KIF26B: variants seen among roughly 807,000 people sequenced by gnomAD.
KIF26B encodes the protein kinesin-like protein KIF26B.
Under a neutral mutation model 151.2 loss-of-function variants are expected in KIF26B, and 63 were observed. The ratio of observed to expected loss-of-function variants is 0.42; its 90% CI spans 0.34 to 0.51. The LOEUF (loss-of-function observed/expected upper bound fraction) is 0.51, where lower values mean the gene tolerates loss of function less well. Ranked by LOEUF, KIF26B falls within the 20% of genes least tolerant of loss-of-function variation. KIF26B has a pLI of 0.07. For missense variants in KIF26B, 2,813 were observed against 2,913.6 expected, an observed-to-expected ratio of 0.97 and a Z score of 0.79; for synonymous variants, 1,357 against 1,262.1, an observed-to-expected ratio of 1.08 and a Z score of -1.59.
chr1:245,568,387 T>C (rs1715773), intron 5 of KIF26B, among the ~76,000 whole-genome samples: 80,700 of 151,414 alleles, frequency 0.53, 23,995 homozygotes, highest in African/African-American at 0.82. Flanking sequence ...TGGTGGTGCA[T>C]GCCTGTAGTC....
intron 2 of KIF26B, among the ~76,000 whole-genome samples, chr1:245,349,559 C>CAAAAAAAAAAAAAAAAAA (rs58254627): frequency 2.6e-5 from 2 of 75,834 alleles, no homozygotes; most frequent in Non-Finnish European, 6.8e-5. Context: ...AAATAAACTT[C>CAAAAAAAAAAAAAAAAAA]AAAAAAAAAA....
intron 2 of KIF26B, among the ~76,000 whole-genome samples, chr1:245,259,920 G>A (rs1670601150): frequency 6.1e-5 from 8 of 131,052 alleles, no homozygotes; most frequent in Non-Finnish European, 1.2e-4. Flanking sequence ...GAGTGACAGA[G>A]CGAGGTCCTG....
chr1:245,613,291 A>G (rs754025920), intron 9 of KIF26B, among the ~76,000 whole-genome samples: 15 of 152,294 alleles, frequency 9.8e-5, no homozygotes, highest in Non-Finnish European at 1.3e-4. Context: ...GCTGTTGTAG[A>G]TGAAGCCTAG....
Position 245,688,656 on chromosome 1 carries a change from C to T in KIF26B, c.5673C>T (p.His1891=), listed in dbSNP as rs1034993024. 6.2e-7 allele frequency: 1 copy of T among 1,603,568 alleles called. No individual in the cohort carries two copies. Among genetic ancestry groups the T allele is most frequent in the African/African-American group, 1.3e-5 (1 of 74,784 alleles). ...PAMGKTALFY[H]SGGSSGYESV... ...TGGGGAAGACGGCCCTGTTCTACCA[C>T]AGCGGCGGCAGCAGCGGCTACGAGA... The change falls in exon 12 of 15, where the codon CAC becomes CAT. Residue 1891 remains histidine (H), a synonymous_variant. Coordinates refer to ENST00000407071, the MANE Select transcript of KIF26B (RefSeq NM_018012.4).
At chr1:245,365,796 C>T (rs755044724) in intron 2 of KIF26B, among the ~76,000 whole-genome samples, 5 of 152,074 alleles carry the variant, frequency 3.3e-5, no homozygotes, top group Admixed American at 6.6e-5. Context: ...GAGGCCATGG[C>T]GCTGTGGACA....
intron 12 of KIF26B, among the ~76,000 whole-genome samples, chr1:245,689,126 T>C (rs1407371953): frequency 2.0e-5 from 3 of 152,172 alleles, no homozygotes; most frequent in Non-Finnish European, 4.4e-5. Flanking sequence ...CCCTTGGCGC[T>C]CAGCAGGGTG....
chr1:245,698,199 A>G lies in KIF26B; in HGVS notation c.5918A>G (p.Asp1973Gly), dbSNP rs745861348. The change falls in exon 13 of 15, where the codon GAT becomes GGT. Residue 1973 changes from aspartate to glycine, a missense_variant. Around this residue, in one of 3 missense-constraint regions of KIF26B, gnomAD observed 2,060 missense variants for 2,088.6 expected, o/e 0.99. Coordinates refer to ENST00000407071, the MANE Select transcript of KIF26B (RefSeq NM_018012.4). This position sits in a 1 kb window ranked among gnomAD's most constrained non-coding sequence, Gnocchi z 4.0. The part of the protein sequence containing the change: ...PPNSTGVRWV[D>G]GPLRSSPRGL... ...AACAGCACAGGCGTCCGCTGGGTGG[A>G]TGGCCCCTTGCGGAGCAGCCCGAGG... The G allele has an allele frequency of 1.2e-6, 2 of 1,613,894 alleles. No homozygotes were observed. The highest frequency in any genetic ancestry group is 3.3e-5 in the Admixed American group (2 of 60,010).
chr1:245,411,047 TTTTTAGTACA>T (rs1327662384), intron 3 of KIF26B, among the ~76,000 whole-genome samples: 6 of 152,182 alleles, frequency 3.9e-5, no homozygotes, highest in African/African-American at 1.4e-4. Context: ...ATTGCCCTAG[TTTTTAGTACA>T]TTTTATTCAA....
intron 5 of KIF26B, among the ~76,000 whole-genome samples, chr1:245,599,777 G>C (rs929909169): frequency 6.6e-6 from 1 of 152,154 alleles, no homozygotes; most frequent in Non-Finnish European, 1.5e-5. Flanking sequence ...AACTGGGGCA[G>C]ATCTGTAGGA....
chr1:245,261,769 C>T (rs371750627), intron 2 of KIF26B, among the ~76,000 whole-genome samples: 113 of 151,250 alleles, frequency 7.5e-4, no homozygotes, highest in African/African-American at 2.6e-3. Context: ...TTTTTTGTAG[C>T]GACAGGGTTT....
rs1181566898 is a variant in KIF26B, at chr1:245,244,746, A to G, written c.465+88063A>G. On this transcript the variant is annotated intron_variant, in intron 2 of 14. Transcript: ENST00000407071. The surrounding 1 kb of genome is among the most constrained non-coding windows in gnomAD (Gnocchi z 4.2). Reference sequence around the variant, plus strand: ...AACGTTTGTGAGAAGGAACACACAGACACGCACACTCACACACACACACAC... The same window carrying G: ...AACGTTTGTGAGAAGGAACACACAGGCACGCACACTCACACACACACACAC... 8.7e-6 allele frequency among the ~76,000 whole-genome samples: 1 copy of G among 114,330 alleles called. No homozygotes were observed. Among genetic ancestry groups the G allele is most frequent in the Non-Finnish European group, 1.7e-5 (1 of 57,556 alleles). 75.0% of individuals were successfully genotyped at this position (114,330 alleles called of 152,430 possible).
At chr1:245,255,533 C>T (rs1344190692) in intron 2 of KIF26B, among the ~76,000 whole-genome samples, 1 of 152,218 alleles carries the variant, frequency 6.6e-6, no homozygotes, top group Non-Finnish European at 1.5e-5. Flanking sequence ...CTTTGTACAT[C>T]ATGTGATTTG....
intron 4 of KIF26B, among the ~76,000 whole-genome samples, chr1:245,515,322 C>A (rs946051441): frequency 6.6e-6 from 1 of 152,194 alleles, no homozygotes; most frequent in South Asian, 2.1e-4. Flanking sequence ...GCACCTACAT[C>A]TCTCCACGCT....
chr1:245,243,919 A>G (rs1670262706), intron 2 of KIF26B, among the ~76,000 whole-genome samples: 1 of 152,028 alleles, frequency 6.6e-6, no homozygotes, highest in Admixed American at 6.6e-5. Context: ...TACCCTTTCT[A>G]TAGCCTTCTA....
Position 245,360,754 on chromosome 1 carries a change from G to A in KIF26B, c.466-6080G>A, listed in dbSNP as rs1672800341. On this transcript the variant is annotated intron_variant, in intron 2 of 14. Coordinates refer to ENST00000407071, the MANE Select transcript of KIF26B (RefSeq NM_018012.4). ...TGGCCAGGCAGAGTGGCTCACGCCT[G>A]TAATCCCAGAACTTTGGGAGGCTGA... Among the ~76,000 whole-genome samples, 4 of 152,222 alleles carry A rather than the reference G, an allele frequency of 2.6e-5. No homozygotes were observed. The South Asian group carries it at 6.2e-4, about 24-fold the overall frequency.
chr1:245,665,364 T>G (rs1199884249), intron 10 of KIF26B, among the ~76,000 whole-genome samples: 1 of 152,220 alleles, frequency 6.6e-6, no homozygotes, highest in Admixed American at 6.5e-5. Context: ...TTGGATTGAC[T>G]CATGAAGTAT....
chr1:245,441,371 A>G (rs686475), intron 4 of KIF26B, among the ~76,000 whole-genome samples: 42,656 of 152,016 alleles, frequency 0.28, 6,146 homozygotes, highest in East Asian at 0.34. Context: ...GGAAGGGTAC[A>G]CTTTAGAAAA....
At chr1:245,303,350 C>A (rs574982644) in intron 2 of KIF26B, among the ~76,000 whole-genome samples, 1 of 151,338 alleles carries the variant, frequency 6.6e-6, no homozygotes, top group African/African-American at 2.4e-5. Context: ...AGGTGCCCGC[C>A]ACCACGCCCG....
chr1:245,628,224 C>G (rs2043744440), intron 9 of KIF26B, among the ~76,000 whole-genome samples: 1 of 151,784 alleles, frequency 6.6e-6, no homozygotes, highest in African/African-American at 2.4e-5. Flanking sequence ...TGGCTCATGC[C>G]CATAACCCCA....
Sources: allele counts gnomAD v4.1 joint callset (sites outside exome capture counted in the v4.1 genomes callset), GRCh38; gene constraint gnomAD v4.1.1; regional missense constraint gnomAD v4.1.1; non-coding constraint Gnocchi (gnomAD v3.1); transcripts MANE v1.5; gene names NCBI Gene and HGNC (gene_info 2026-07-23, HGNC 2026-07-21).